The following GPC5 variants were observed in gnomAD, a reference collection of about 807,000 sequenced individuals.
The protein encoded by GPC5 is glypican 5, also known as glypican-5.
GPC5 carries 47 observed loss-of-function variants against 53.9 expected under a neutral mutation model. The observed-to-expected ratio is 0.87, with a 90% confidence interval of 0.69 to 1.11. The LOEUF (loss-of-function observed/expected upper bound fraction) is 1.11. GPC5 is among the 50% of genes most tolerant of loss of function. The pLI is 0.00. For synonymous variants in GPC5, 286 were observed against 263.3 expected, an observed-to-expected ratio of 1.09 and a Z score of -0.84; for missense variants, 748 against 713.1, an observed-to-expected ratio of 1.05 and a Z score of -0.56.
At chr13:92,359,966 T>C (rs1270706434) in intron 7 of GPC5, among the ~76,000 whole-genome samples, 1 of 151,720 alleles carries the variant, frequency 6.6e-6, no homozygotes, top group Non-Finnish European at 1.5e-5. Flanking sequence ...GTCTTATAGG[T>C]GCTGGATATT....
intron 7 of GPC5, among the ~76,000 whole-genome samples, chr13:92,322,615 G>A (rs2043223704): frequency 6.6e-6 from 1 of 152,048 alleles, no homozygotes; most frequent in African/African-American, 2.4e-5. Context: ...GAACATAGTA[G>A]GCATTCAATA....
chr13:92,439,947 C>T lies in GPC5; in HGVS notation c.1561+294958C>T, dbSNP rs1056525522. Among the ~76,000 whole-genome samples, 24 of 152,162 alleles carry T rather than the reference C, an allele frequency of 1.6e-4. No individual in the cohort carries two copies. In the East Asian group the frequency reaches 2.3e-3, roughly 15 times the overall value. On this transcript the variant is annotated intron_variant, in intron 7 of 7. Coordinates refer to ENST00000377067, the MANE Select transcript of GPC5 (RefSeq NM_004466.6). ...TGGCTGCAGTCTGGCTTAAATGAAACGACTCTAAAAAGAGATTGATTCCTT... is the reference window on the plus strand; with the variant it reads ...TGGCTGCAGTCTGGCTTAAATGAAATGACTCTAAAAAGAGATTGATTCCTT...
intron 6 of GPC5, among the ~76,000 whole-genome samples, chr13:92,116,334 G>A (rs113320788): frequency 4.6e-5 from 7 of 152,146 alleles, no homozygotes; most frequent in African/African-American, 1.7e-4. Context: ...ACAAATAGAA[G>A]AGGCCATCTA....
intron 4 of GPC5, among the ~76,000 whole-genome samples, chr13:91,731,356 A>T (rs1429896826): frequency 5.3e-5 from 8 of 152,202 alleles, no homozygotes; most frequent in African/African-American, 1.4e-4. Flanking sequence ...GTTAGGAATC[A>T]TCACCACTGT....
chr13:92,681,261 C>T (rs917947567), intron 7 of GPC5, among the ~76,000 whole-genome samples: 2 of 152,030 alleles, frequency 1.3e-5, no homozygotes, highest in Admixed American at 6.6e-5. Flanking sequence ...ATATCACAAG[C>T]TCTCAATAAA....
At chr13:92,685,562 T>TTTTTTTTTTTTAA (rs1555302930) in intron 7 of GPC5, among the ~76,000 whole-genome samples, 17 of 69,398 alleles carry the variant, frequency 2.4e-4, no homozygotes, top group South Asian at 1.7e-3. Flanking sequence ...TTTTTTTAAT[T>TTTTTTTTTTTTAA]TTTTTTTTTT....
chr13:92,622,192 G>A (rs999178636), intron 7 of GPC5, among the ~76,000 whole-genome samples: 1 of 152,144 alleles, frequency 6.6e-6, no homozygotes, highest in Non-Finnish European at 1.5e-5. Flanking sequence ...TTCTGACCCT[G>A]TCCCTGCCAG....
At chr13:91,454,663 G>T (rs1272903101) in intron 2 of GPC5, among the ~76,000 whole-genome samples, 1 of 152,016 alleles carries the variant, frequency 6.6e-6, no homozygotes, top group East Asian at 1.9e-4. Flanking sequence ...ATGATACTTA[G>T]CAAGAAGACT....
At chr13:91,807,105 A>G (rs557108361) in intron 5 of GPC5, among the ~76,000 whole-genome samples, 2 of 152,294 alleles carry the variant, frequency 1.3e-5, no homozygotes, top group South Asian at 4.1e-4. Flanking sequence ...ATAGGCTTCT[A>G]GCTCCTACTC....
chr13:92,726,001 A>C (rs1014243212), intron 7 of GPC5, among the ~76,000 whole-genome samples: 5 of 151,586 alleles, frequency 3.3e-5, no homozygotes, highest in Non-Finnish European at 7.4e-5. Context: ...GCACTGATGC[A>C]CCATCCTGAA....
Position 91,507,297 on chromosome 13 carries a change from C to A in GPC5, c.325+58375C>A, listed in dbSNP as rs115092673. ...GGGTCTCTTTTATAAGAATCCCATT[C>A]ATGAGGACCTGTATTAGTCTGTTTT... On this transcript the variant is annotated intron_variant, in intron 2 of 7. Coordinates refer to ENST00000377067, the MANE Select transcript of GPC5 (RefSeq NM_004466.6). Among the ~76,000 whole-genome samples, 422 of 152,236 alleles carry A rather than the reference C, an allele frequency of 2.8e-3. 2 individuals are homozygous for A. Among genetic ancestry groups the A allele is most frequent in the African/African-American group, 9.9e-3 (412 of 41,542 alleles).
At position 91,478,822 on chromosome 13, in the gene GPC5, T is replaced by TATATATATATATATATATAC. The variant is rs1323023652; in HGVS notation, c.325+29901_325+29902insTATATATATATATATATACA. Among the ~76,000 whole-genome samples the TATATATATATATATATATAC allele has an allele frequency of 1.6e-3, 149 of 92,108 alleles. 5 individuals carry two copies. The highest frequency in any genetic ancestry group is 6.4e-3 in the African/African-American group (123 of 19,310). The allele number at this position is 92,108 out of a possible 152,430, so 60.4% of individuals were successfully genotyped here. A position where few individuals can be genotyped will look rare whatever the true frequency, so the allele number is the denominator to read the frequency against. The stretch of plus-strand genomic sequence containing the variant: ...ATATATATATATATATATATATATA[T>TATATATATATATATATATAC]ACACACACACACATATATATACACA... On this transcript the variant is annotated intron_variant, in intron 2 of 7. Transcript: ENST00000377067.
chr13:92,074,100 A>G (rs2041234302), intron 6 of GPC5, among the ~76,000 whole-genome samples: 1 of 152,164 alleles, frequency 6.6e-6, no homozygotes, highest in African/African-American at 2.4e-5. Context: ...GGTCAGCCCA[A>G]GGCTGAAACA....
intron 7 of GPC5, among the ~76,000 whole-genome samples, chr13:92,831,805 C>A (rs2138821998): frequency 6.6e-6 from 1 of 152,262 alleles, no homozygotes; most frequent in South Asian, 2.1e-4. Flanking sequence ...TCAGTGGTTT[C>A]TTCCATGTGG....
In GPC5 at chr13:92,268,729, G is replaced by A. The variant is rs573199982; in HGVS notation, c.1561+123740G>A. Among the ~76,000 whole-genome samples, 98 of 151,792 alleles carry A rather than the reference G, an allele frequency of 6.5e-4. 1 individual carries two copies. Among genetic ancestry groups the A allele is most frequent in the Middle Eastern group, 3.4e-3 (1 of 290 alleles). ...TATACTTACCTCATAGATTTGGACT[G>A]GAGACAAATATGTGTCCTTTGCTTT... On this transcript the variant is annotated intron_variant, in intron 7 of 7. Transcript: ENST00000377067.
At chr13:92,272,719 G>A (rs1013570950) in intron 7 of GPC5, among the ~76,000 whole-genome samples, 3 of 152,116 alleles carry the variant, frequency 2.0e-5, no homozygotes, top group African/African-American at 4.8e-5. Flanking sequence ...TGTTGACAAC[G>A]AGAAAAGTAA....
At chr13:91,468,338 G>T (rs966720582) in intron 2 of GPC5, among the ~76,000 whole-genome samples, 8 of 152,230 alleles carry the variant, frequency 5.3e-5, no homozygotes, top group African/African-American at 1.9e-4. Flanking sequence ...CCAAAGATAT[G>T]CTGGACTCTT....
intron 2 of GPC5, among the ~76,000 whole-genome samples, chr13:91,632,575 A>C (rs2034186067): frequency 6.6e-6 from 1 of 152,178 alleles, no homozygotes; most frequent in African/African-American, 2.4e-5. Context: ...CACAGCAAGC[A>C]GCACTGCCCT....
chr13:91,681,109 G>A (rs769930306), intron 2 of GPC5, among the ~76,000 whole-genome samples: 1 of 152,006 alleles, frequency 6.6e-6, no homozygotes, highest in African/African-American at 2.4e-5. Context: ...AAAGCGTTCC[G>A]AGACCGAAAA....
Sources: allele counts gnomAD v4.1 joint callset (sites outside exome capture counted in the v4.1 genomes callset), GRCh38; gene constraint gnomAD v4.1.1; transcripts MANE v1.5; gene names NCBI Gene and HGNC (gene_info 2026-07-23, HGNC 2026-07-21).